Variants in PRKAR1A observed in about 807,000 individuals in gnomAD.
PRKAR1A encodes the protein protein kinase cAMP-dependent type I regulatory subunit alpha, also known as cAMP-dependent protein kinase type I-alpha regulatory subunit.
Under a neutral mutation model 52.0 loss-of-function variants are expected in PRKAR1A, and 3 were observed. The observed-to-expected ratio is 0.06, with a 90% CI of 0.03 to 0.15. PRKAR1A has a LOEUF of 0.15. Among genes scored for constraint, PRKAR1A ranks in the 10% least tolerant of loss-of-function variants. The pLI, the probability that PRKAR1A is intolerant of heterozygous loss-of-function variation, is 1.00. For missense variants in PRKAR1A, 240 were observed against 477.4 expected, an observed-to-expected ratio of 0.50 and a Z score of 4.63; for synonymous variants, 188 against 168.4, an observed-to-expected ratio of 1.12 and a Z score of -0.90.
Position 68,527,908 on chromosome 17 carries a change from G to C in PRKAR1A, c.769+8G>C. On this transcript the variant is annotated splice_region_variant and intron_variant, in intron 8 of 10. Coordinates refer to ENST00000589228, the MANE Select transcript of PRKAR1A (RefSeq NM_002734.5). Reference sequence around the variant, plus strand: ...GTAAAGTCTCTATTTTAGGTGAGTTGTAAAGTGTGTTAACTTTGCTAGTAT... The same window carrying C: ...GTAAAGTCTCTATTTTAGGTGAGTTCTAAAGTGTGTTAACTTTGCTAGTAT... 1 of 1,605,100 alleles carries C rather than the reference G, an allele frequency of 6.2e-7. No individual in the cohort carries two copies. Among genetic ancestry groups the C allele is most frequent in the Non-Finnish European group, 8.5e-7 (1 of 1,172,092 alleles).
chr17:68,448,030 A>G, the PRKAR1A span, among the ~76,000 whole-genome samples: 1 of 151,006 alleles, frequency 6.6e-6, no homozygotes, highest in Admixed American at 6.6e-5. Flanking sequence ...TTGGATCCTT[A>G]TAACACCTTA....
rs1362945209 is a variant in PRKAR1A at position 68,531,685 on chromosome 17, CATTT to C, written c.*1241_*1244del. 1.2e-5 allele frequency: 13 copies of C among 1,065,012 alleles called. No individual in the cohort carries two copies. Among genetic ancestry groups the C allele is most frequent in the Admixed American group, 5.3e-5 (1 of 18,754 alleles). The allele number at this position is 1,065,012 out of a possible 1,614,324, so 66.0% of individuals were successfully genotyped here. A position where few individuals can be genotyped will look rare whatever the true frequency, so the allele number is the denominator to read the frequency against. On this transcript the variant is annotated 3_prime_UTR_variant, in exon 11 of 11. Transcript: ENST00000589228. Reference sequence around the variant, plus strand: ...CTGAAAGTCCTGCTTTCCTATCTAGCATTTATTTCTCTGGCAAACTTTTCTTTCT... The same window carrying C: ...CTGAAAGTCCTGCTTTCCTATCTAGCATTTCTCTGGCAAACTTTTCTTTCT...
At chr17:68,550,696 C>T (rs909302619) in intron 11 of PRKAR1A, among the ~76,000 whole-genome samples, 14 of 152,210 alleles carry the variant, frequency 9.2e-5, no homozygotes, top group African/African-American at 2.6e-4. Flanking sequence ...ACTCTTTATA[C>T]GGCAGTGGTT....
chr17:68,465,625 A>ATTTTTTTTTTTTTTGTTTTTTTT, the PRKAR1A span, among the ~76,000 whole-genome samples: 1 of 67,186 alleles, frequency 1.5e-5, no homozygotes, highest in African/African-American at 5.8e-5. Context: ...ACGCCCAGCA[A>ATTTTTTTTTTTTTTGTTTTTTTT]TTTTTTTTTT....
At chr17:68,544,919 T>G (rs1043393098) in intron 11 of PRKAR1A, among the ~76,000 whole-genome samples, 3 of 152,214 alleles carry the variant, frequency 2.0e-5, no homozygotes, top group Non-Finnish European at 2.9e-5. Flanking sequence ...ATTCAAAGGT[T>G]GTTTTTACTT....
At chr17:68,507,850 TAC>T (rs574146438), upstream of PRKAR1A, among the ~76,000 whole-genome samples, 13 of 152,332 alleles carry the variant, frequency 8.5e-5, no homozygotes, top group East Asian at 2.5e-3. Context: ...AAGAGATTCA[TAC>T]AAATATCTGG....
upstream of PRKAR1A, chr17:68,511,692 C>T (rs1289398937): frequency 6.6e-6 from 1 of 152,244 alleles, no homozygotes; most frequent in African/African-American, 2.4e-5. Flanking sequence ...AGCGGAGACT[C>T]GGCAGGGCTC....
chr17:68,502,820 C>A, the PRKAR1A span, among the ~76,000 whole-genome samples: 27,794 of 148,354 alleles, frequency 0.19, 3,119 homozygotes, highest in East Asian at 0.49. Flanking sequence ...TGAGTAAATT[C>A]TTAGCTAAGA....
chr17:68,535,704 G>GT, downstream of PRKAR1A: 1 of 449,250 alleles, frequency 2.2e-6, no homozygotes, highest in South Asian at 1.6e-5. Flanking sequence ...TAGAGACAGG[G>GT]TTTTGTCATG....
At chr17:68,426,251 G>GGGGGGGGGA in the PRKAR1A span, 1 of 825,460 alleles carries the variant, frequency 1.2e-6, no homozygotes, top group Non-Finnish European at 1.9e-6. Flanking sequence ...GTGGGGAGCG[G>GGGGGGGGGA]GGGCTCAAAT....
the PRKAR1A span, among the ~76,000 whole-genome samples, chr17:68,501,625 T>C: frequency 6.6e-6 from 1 of 152,142 alleles, no homozygotes; most frequent in African/African-American, 2.4e-5. Flanking sequence ...CTGGCTAATT[T>C]TTAAATTTTT....
At chr17:68,539,983 G>A in intron 11 of PRKAR1A, 1 of 1,612,628 alleles carries the variant, frequency 6.2e-7, no homozygotes, top group Non-Finnish European at 8.5e-7. Flanking sequence ...AGGAGGGGAG[G>A]ACTTAGCTGG....
chr17:68,516,781 A>G (rs1454000587), intron 2 of PRKAR1A, among the ~76,000 whole-genome samples: 1 of 151,476 alleles, frequency 6.6e-6, no homozygotes, highest in African/African-American at 2.4e-5. Flanking sequence ...GCTGTCTTGG[A>G]ATTATAGTAG....
the PRKAR1A span, chr17:68,434,500 G>A: frequency 8.0e-5 from 127 of 1,578,030 alleles, no homozygotes; most frequent in Admixed American, 1.2e-4. Context: ...AGCTGCCAGC[G>A]GTCCCTGCGG....
the PRKAR1A span, chr17:68,429,996 G>A: frequency 2.5e-6 from 4 of 1,614,102 alleles, no homozygotes; most frequent in Middle Eastern, 1.6e-4. Context: ...TTGTACGTAC[G>A]TTGAGAGGGT....
intron 1 of PRKAR1A, chr17:68,515,159 G>A: frequency 1.9e-6 from 1 of 527,272 alleles, no homozygotes. Flanking sequence ...TGAGGTTATC[G>A]ACTCTCACTG....
At chr17:68,457,660 C>A in the PRKAR1A span, 3 of 309,372 alleles carry the variant, frequency 9.7e-6, no homozygotes, top group Non-Finnish European at 1.7e-5. Flanking sequence ...GACCAGAGCA[C>A]CTGATAGGGC....
Position 68,515,728 on chromosome 17 carries a change from T to C in PRKAR1A, c.177+152T>C, listed in dbSNP as rs1276600114. On this transcript the variant is annotated intron_variant, in intron 2 of 10. Transcript: ENST00000589228. ...TCAAATAAGAAATACAGTTAAGGCATTTGTAGTAATTTAAAAATTCTTAAT... is the reference window on the plus strand; with the variant it reads ...TCAAATAAGAAATACAGTTAAGGCACTTGTAGTAATTTAAAAATTCTTAAT... The C allele has an allele frequency of 8.5e-6, 8 of 943,952 alleles. No homozygotes were observed. The East Asian group carries it at 1.6e-4, about 19-fold the overall frequency. The allele number at this position is 943,952 out of a possible 1,614,324, so 58.5% of individuals were successfully genotyped here.
At chr17:68,522,988 C>T in intron 3 of PRKAR1A, 62 bp downstream of exon 3, 1 of 1,577,056 alleles carries the variant, frequency 6.3e-7, no homozygotes. Context: ...GTCATCTAGT[C>T]TCCTTTGATG....
Sources: allele counts gnomAD v4.1 joint callset (sites outside exome capture counted in the v4.1 genomes callset), GRCh38; gene constraint gnomAD v4.1.1; transcripts MANE v1.5; gene names NCBI Gene and HGNC (gene_info 2026-07-23, HGNC 2026-07-21).